The following DNAI1 variants were observed in gnomAD, a reference collection of about 807,000 sequenced individuals.
The protein encoded by DNAI1 is dynein, axonemal, intermediate polypeptide 1.
In DNAI1, 67 loss-of-function variants were observed where a neutral mutation model predicts 92.0. The observed-to-expected ratio is 0.73, with a 90% CI of 0.60 to 0.89. The LOEUF is 0.89. Ranked by LOEUF, DNAI1 falls within the 40% of genes least tolerant of loss-of-function variation. The probability of loss-of-function intolerance (pLI) is 0.00; values close to 1 mark genes in which losing one functional copy is unlikely to be tolerated. For synonymous variants in DNAI1, 323 were observed against 319.6 expected (o/e 1.01, Z -0.11); for missense variants, 839 against 866.6 (o/e 0.97, Z 0.40).
At chr9:34,462,915 C>G (rs1013853942) in intron 1 of DNAI1, among the ~76,000 whole-genome samples, 3 of 152,148 alleles carry the variant, frequency 2.0e-5, no homozygotes, top group Non-Finnish European at 4.4e-5. Flanking sequence ...AACAAAAATC[C>G]CTGCTCTCAT....
intron 10 of DNAI1, among the ~76,000 whole-genome samples, chr9:34,499,148 A>G (rs1007131934): frequency 1.3e-5 from 2 of 152,208 alleles, no homozygotes; most frequent in African/African-American, 4.8e-5. Flanking sequence ...TTACCAATTA[A>G]TCTCTGCTCT....
At chr9:34,482,388 G>A (rs904704687) in intron 1 of DNAI1, among the ~76,000 whole-genome samples, 8 of 149,480 alleles carry the variant, frequency 5.4e-5, no homozygotes, top group South Asian at 2.1e-4. Flanking sequence ...GACTCTGCAC[G>A]TCCTCACCAG....
chr9:34,495,745 C>T (rs1367176256), intron 9 of DNAI1, among the ~76,000 whole-genome samples: 1 of 152,064 alleles, frequency 6.6e-6, no homozygotes, highest in Non-Finnish European at 1.5e-5. Context: ...GAGGGAGTTT[C>T]AGTTAACTGG....
chr9:34,468,186 G>T (rs1022096946), intron 1 of DNAI1, among the ~76,000 whole-genome samples: 1 of 143,444 alleles, frequency 7.0e-6, no homozygotes, highest in Non-Finnish European at 1.5e-5. Context: ...GAGGAAGAAG[G>T]CTTTTTTTTT....
At chr9:34,477,175 C>T (rs1824254236) in intron 1 of DNAI1, among the ~76,000 whole-genome samples, 1 of 152,026 alleles carries the variant, frequency 6.6e-6, no homozygotes, top group Admixed American at 6.6e-5. Context: ...ACCACCACAC[C>T]CAACTAATTA....
At chr9:34,490,865 C>T (rs1027745138) in intron 7 of DNAI1, among the ~76,000 whole-genome samples, 3 of 152,194 alleles carry the variant, frequency 2.0e-5, no homozygotes, top group Non-Finnish European at 4.4e-5. Flanking sequence ...GACCAGCTGG[C>T]AAAGGCCAGA....
intron 1 of DNAI1, among the ~76,000 whole-genome samples, chr9:34,466,233 C>T (rs73500805): frequency 0.022 from 3,367 of 152,270 alleles, 130 homozygotes; most frequent in African/African-American, 0.077. Flanking sequence ...CCTCCTTTAT[C>T]CTAGTTAAAG....
At chr9:34,517,552 C>A in intron 19 of DNAI1, 85 bp downstream of exon 19, 1 of 1,520,430 alleles carries the variant, frequency 6.6e-7, no homozygotes, top group Non-Finnish European at 9.1e-7. Flanking sequence ...CCAGGGTGAC[C>A]ACCCAGTTTC....
At position 34,491,499 on chromosome 9, in the gene DNAI1, G is replaced by A. The variant is rs767990526; in HGVS notation, c.626G>A (p.Arg209Gln). 4.9e-5 allele frequency: 79 copies of A among 1,614,130 alleles called. 1 individual carries two copies. The South Asian group carries it at 5.5e-4, about 11-fold the overall frequency. ...SQTYNNPVRD[R>Q]ECQTEPPPRT... Reference sequence around the variant, plus strand: ...TCCTGTTGTCTTGTTCTTTAGGATCGAGAATGCCAGACGGAGCCTCCTCCC... The same window carrying A: ...TCCTGTTGTCTTGTTCTTTAGGATCAAGAATGCCAGACGGAGCCTCCTCCC... Residue 209 changes from arginine (R) to glutamine (Q), a missense_variant, in exon 8 of 20, where the codon CGA (arginine) becomes CAA (glutamine). Physicochemically the swap from Arg to Gln is conservative, Grantham distance 43 (BLOSUM62 1). Transcript: ENST00000242317.
intron 19 of DNAI1, among the ~76,000 whole-genome samples, chr9:34,518,259 A>G (rs1215099429): frequency 1.3e-5 from 2 of 152,192 alleles, no homozygotes; most frequent in Non-Finnish European, 2.9e-5. Flanking sequence ...CCTCCTGGCA[A>G]TTTGAGGCAT....
chr9:34,501,415 G>A (rs1004012153), intron 12 of DNAI1, among the ~76,000 whole-genome samples: 1 of 152,240 alleles, frequency 6.6e-6, no homozygotes, highest in African/African-American at 2.4e-5. Context: ...GAAGAAAGAG[G>A]GGAAAACACT....
chr9:34,497,531 T>G (rs1270936671), intron 10 of DNAI1, among the ~76,000 whole-genome samples: 2 of 152,224 alleles, frequency 1.3e-5, no homozygotes, highest in African/African-American at 4.8e-5. Context: ...AAGCTAAGGC[T>G]AAGGCCACCT....
At chr9:34,504,551 C>T (rs1342129853) in intron 12 of DNAI1, among the ~76,000 whole-genome samples, 1 of 152,244 alleles carries the variant, frequency 6.6e-6, no homozygotes, top group Non-Finnish European at 1.5e-5. Context: ...AGTTTAATTA[C>T]TGGTTAGTTA....
At chr9:34,491,265 C>T in intron 7 of DNAI1, 1 of 606,332 alleles carries the variant, frequency 1.6e-6, no homozygotes, top group East Asian at 2.9e-5. Flanking sequence ...TCAGGCTTCC[C>T]TGCCCCTGCT....
At chr9:34,491,016 A>T (rs1824580465) in intron 7 of DNAI1, among the ~76,000 whole-genome samples, 1 of 152,192 alleles carries the variant, frequency 6.6e-6, no homozygotes, top group Non-Finnish European at 1.5e-5. Context: ...TGAGTTTTTG[A>T]CAGTGCCTCA....
At chr9:34,462,186 C>G (rs1239983714) in intron 1 of DNAI1, among the ~76,000 whole-genome samples, 1 of 152,200 alleles carries the variant, frequency 6.6e-6, no homozygotes, top group African/African-American at 2.4e-5. Context: ...TGCTACCCAT[C>G]CTACTTCAAA....
intron 4 of DNAI1, chr9:34,488,177 A>C (rs531583650): frequency 2.8e-5 from 7 of 252,674 alleles, no homozygotes; most frequent in South Asian, 2.2e-4. Context: ...TATAATTATC[A>C]TGCAAATTAG....
At chr9:34,474,139 C>T (rs557219087) in intron 1 of DNAI1, among the ~76,000 whole-genome samples, 82 of 152,210 alleles carry the variant, frequency 5.4e-4, no homozygotes, top group South Asian at 4.4e-3. Flanking sequence ...CTCCTATTGG[C>T]GAATATTTGT....
In DNAI1 at chr9:34,489,378, A is replaced by G. The variant is rs1824535319; in HGVS notation, c.317A>G (p.Gln106Arg). 3.7e-6 allele frequency: 6 copies of G among 1,614,102 alleles called. No homozygotes were observed. The highest frequency in any genetic ancestry group is 1.1e-5 in the South Asian group (1 of 91,084). The stretch of plus-strand genomic sequence containing the variant: ...AACCAACTGGCAGTTCACTACACCC[A>G]GGTTGGGAACCTGATCCCCAAAGAC... ...FVNQLAVHYT[Q>R]VGNLIPKDSD... The change falls in exon 5 of 20, where the codon CAG becomes CGG. Residue 106 changes from glutamine (Q) to arginine (R), a missense_variant. By Grantham distance (43) the Gln-to-Arg change is conservative. Transcript: ENST00000242317.
Sources: allele counts gnomAD v4.1 joint callset (sites outside exome capture counted in the v4.1 genomes callset), GRCh38; gene constraint gnomAD v4.1.1; transcripts MANE v1.5; gene names NCBI Gene and HGNC (gene_info 2026-07-23, HGNC 2026-07-21).